CARMIL1: variants seen among roughly 807,000 people sequenced by gnomAD.
The protein encoded by CARMIL1 is capping protein regulator and myosin 1 linker 1.
CARMIL1 carries 90 observed loss-of-function variants against 177.1 expected under a neutral mutation model. The observed-to-expected ratio is 0.51, with a 90% CI of 0.43 to 0.61. CARMIL1 has a LOEUF of 0.61. CARMIL1 is among the 20% of genes least tolerant of loss of function. CARMIL1 has a pLI of 0.00. For synonymous variants in CARMIL1, 577 were observed against 606.2 expected (o/e 0.95, Z 0.71); for missense variants, 1,380 against 1,667.0 (o/e 0.83, Z 3.00).
At chr6:25,530,424 A>C (rs1184947054) in intron 24 of CARMIL1, among the ~76,000 whole-genome samples, 1 of 152,148 alleles carries the variant, frequency 6.6e-6, no homozygotes, top group Non-Finnish European at 1.5e-5. Flanking sequence ...CTGAGGCAGG[A>C]GAATCGCTTG....
chr6:25,332,742 TACACACACAC>T (rs35133749), intron 2 of CARMIL1, among the ~76,000 whole-genome samples: 4 of 140,180 alleles, frequency 2.9e-5, no homozygotes, highest in Admixed American at 7.0e-5. Context: ...CAAACATGCA[TACACACACAC>T]ACACACACAC....
intron 35 of CARMIL1, among the ~76,000 whole-genome samples, chr6:25,606,696 C>T (rs1389474379): frequency 6.6e-6 from 1 of 152,138 alleles, no homozygotes; most frequent in Non-Finnish European, 1.5e-5. Context: ...GTGTTTATGC[C>T]ATATTCTATG....
chr6:25,569,633 T>C (rs1486176789), intron 29 of CARMIL1, among the ~76,000 whole-genome samples: 1 of 152,238 alleles, frequency 6.6e-6, no homozygotes, highest in Non-Finnish European at 1.5e-5. Flanking sequence ...TGTTGTTAAC[T>C]ACTAATTTTT....
chr6:25,515,869 T>G lies in CARMIL1; in HGVS notation c.1805+22T>G. ...TCAGGTAGGCAGATCCCACCCTCCCTGCTCATGAGGAAGGCTTGGAGCAGA... is the reference window on the plus strand; with the variant it reads ...TCAGGTAGGCAGATCCCACCCTCCCGGCTCATGAGGAAGGCTTGGAGCAGA... On this transcript the variant is annotated intron_variant, in intron 21 of 36. Coordinates refer to ENST00000329474, the MANE Select transcript of CARMIL1 (RefSeq NM_017640.6). The surrounding 1 kb of genome is among the most constrained non-coding windows in gnomAD (Gnocchi z 5.0). 7 of 1,578,142 alleles carry G rather than the reference T, an allele frequency of 4.4e-6. No homozygotes were observed. The highest frequency in any genetic ancestry group is 5.2e-6 in the Non-Finnish European group (6 of 1,161,786).
At chr6:25,410,042 T>C (rs1794767628) in intron 2 of CARMIL1, among the ~76,000 whole-genome samples, 1 of 152,198 alleles carries the variant, frequency 6.6e-6, no homozygotes, top group Admixed American at 6.5e-5. Flanking sequence ...ACTATTTCTC[T>C]GATTATATAT....
intron 5 of CARMIL1, among the ~76,000 whole-genome samples, chr6:25,448,383 A>C (rs1798443199): frequency 6.6e-6 from 1 of 152,118 alleles, no homozygotes. Flanking sequence ...ACTATTTTGA[A>C]CTAGATTGAA....
At chr6:25,307,106 C>A (rs1455761992) in intron 2 of CARMIL1, among the ~76,000 whole-genome samples, 1 of 152,134 alleles carries the variant, frequency 6.6e-6, no homozygotes, top group Non-Finnish European at 1.5e-5. Context: ...GTCTCGAACT[C>A]CTGACCTCAG....
intron 2 of CARMIL1, among the ~76,000 whole-genome samples, chr6:25,409,414 T>C (rs1287153588): frequency 6.6e-6 from 1 of 152,220 alleles, no homozygotes; most frequent in African/African-American, 2.4e-5. Flanking sequence ...AGGTTATCTC[T>C]AGTACTTAAA....
chr6:25,517,436 C>A lies in CARMIL1; in HGVS notation c.1874+21C>A, dbSNP rs767387959. ...GAAAAGTAAGTTTGAATTAGGATTT[C>A]TTTCTAGGAAAATAAAAAAACAAAA... On this transcript the variant is annotated intron_variant, in intron 22 of 36. Coordinates refer to ENST00000329474, the MANE Select transcript of CARMIL1 (RefSeq NM_017640.6). The A allele has an allele frequency of 7.0e-5, 112 of 1,601,372 alleles. No homozygotes were observed. In the African/African-American group the frequency reaches 1.1e-3, roughly 15 times the overall value.
intron 2 of CARMIL1, among the ~76,000 whole-genome samples, chr6:25,321,426 A>G (rs1196365700): frequency 6.6e-6 from 1 of 152,160 alleles, no homozygotes; most frequent in Non-Finnish European, 1.5e-5. Flanking sequence ...TGAGGAGACA[A>G]GGTGGCATCT....
chr6:25,587,416 GT>G (rs60676509), intron 31 of CARMIL1, among the ~76,000 whole-genome samples: 87 of 151,980 alleles, frequency 5.7e-4, no homozygotes, highest in Middle Eastern at 3.4e-3. Flanking sequence ...AGGCTTGTGG[GT>G]TTTTTTTAAA....
At chr6:25,403,858 T>C (rs747997972) in intron 2 of CARMIL1, among the ~76,000 whole-genome samples, 15 of 152,244 alleles carry the variant, frequency 9.9e-5, no homozygotes, top group Non-Finnish European at 2.2e-4. Flanking sequence ...CCATATGTTT[T>C]ACTTATTTAT....
At chr6:25,343,226 A>G (rs565731027) in intron 2 of CARMIL1, among the ~76,000 whole-genome samples, 1 of 152,274 alleles carries the variant, frequency 6.6e-6, no homozygotes, top group South Asian at 2.1e-4. Flanking sequence ...TAAAAAATGC[A>G]GAATAGGGAT....
At chr6:25,491,679 G>A (rs2150997818) in intron 13 of CARMIL1, 53 bp from the exon 14 acceptor site, 1 of 1,118,290 alleles carries the variant, frequency 8.9e-7, no homozygotes, top group East Asian at 2.6e-5. Flanking sequence ...CTTGCATTGT[G>A]TGTATGTGTG....
chr6:25,410,794 A>G lies in CARMIL1; in HGVS notation c.139-9320A>G, dbSNP rs79774308. ...TTCTTTTGATTACAAGAACTACTCA[A>G]TTTCCTTTAAGTAAATTTATTTATT... On this transcript the variant is annotated intron_variant, in intron 2 of 36. Transcript: ENST00000329474. Among the ~76,000 whole-genome samples the G allele has an allele frequency of 8.1e-3, 1,238 of 152,278 alleles. 6 individuals are homozygous for G. The highest frequency in any genetic ancestry group is 0.014 in the South Asian group (67 of 4,822).
chr6:25,313,588 G>A lies in CARMIL1; in HGVS notation c.138+28679G>A, dbSNP rs145835720. ...GATGAGGGGCAGGGCCAGGGCCACC[G>A]CTAACTAGTTAGCAGTCAGGCAAAT... is the stretch of plus-strand genomic sequence containing the variant. On this transcript the variant is annotated intron_variant, in intron 2 of 36. Transcript: ENST00000329474. 9.2e-4 allele frequency among the ~76,000 whole-genome samples: 139 copies of A among 151,498 alleles called. 1 individual carries two copies. Among genetic ancestry groups the A allele is most frequent in the Non-Finnish European group, 1.8e-3 (119 of 67,978 alleles).
chr6:25,452,189 G>A, intron 8 of CARMIL1: 4 of 764,602 alleles, frequency 5.2e-6, no homozygotes, highest in Non-Finnish European at 9.6e-6. Flanking sequence ...GTCTGTAGTT[G>A]TGGCTGATGG....
chr6:25,441,337 A>ATATGTGTGTGTGTGTGTGTGTG, intron 5 of CARMIL1, among the ~76,000 whole-genome samples: 2 of 94,534 alleles, frequency 2.1e-5, no homozygotes, highest in African/African-American at 8.8e-5. Context: ...ATATATATAT[A>ATATGTGTGTGTGTGTGTGTGTG]TGTGTGTGTG....
chr6:25,536,243 A>G (rs114693259), intron 24 of CARMIL1, among the ~76,000 whole-genome samples: 1,575 of 152,254 alleles, frequency 0.01, 15 homozygotes, highest in Middle Eastern at 0.027. Context: ...GCACAGATCA[A>G]TACAATAGTT....
Sources: allele counts gnomAD v4.1 joint callset (sites outside exome capture counted in the v4.1 genomes callset), GRCh38; gene constraint gnomAD v4.1.1; non-coding constraint Gnocchi (gnomAD v3.1); transcripts MANE v1.5; gene names NCBI Gene and HGNC (gene_info 2026-07-23, HGNC 2026-07-21).